Variants in COL6A1 observed in about 807,000 individuals in gnomAD.
The protein encoded by COL6A1 is collagen alpha-1(VI) chain.
Under a neutral mutation model 145.6 loss-of-function variants are expected in COL6A1, and 80 were observed. That is an observed-to-expected ratio of 0.55 (90% CI 0.46 to 0.66). COL6A1 has a LOEUF of 0.66. Among genes scored for constraint, COL6A1 ranks in the 30% least tolerant of loss-of-function variants. The probability of loss-of-function intolerance (pLI) is 0.00; values close to 1 mark genes in which losing one functional copy is unlikely to be tolerated. For missense variants in COL6A1, 1,364 were observed against 1,473.8 expected, an observed-to-expected ratio of 0.93 and a Z score of 1.22; for synonymous variants, 638 against 622.8, an observed-to-expected ratio of 1.02 and a Z score of -0.36.
rs944259614 is a variant in COL6A1 at position 45,995,862 on chromosome 21, C to T, written c.1399-1559C>T. Among the ~76,000 whole-genome samples the T allele has an allele frequency of 4.6e-5, 7 of 152,306 alleles. No individual in the cohort carries two copies. In the East Asian group the frequency reaches 7.7e-4, roughly 17 times the overall value. ...AGCCTCCCTGGGGCCTTTCGGGGCC[C>T]GGGGGTGTGGATAGGTGGCTTTGGA... is the stretch of plus-strand genomic sequence containing the variant. On this transcript the variant is annotated intron_variant, in intron 20 of 34. Coordinates refer to ENST00000361866, the MANE Select transcript of COL6A1 (RefSeq NM_001848.3).
intron 3 of COL6A1, 46 bp downstream of exon 3, chr21:45,984,515 T>A: frequency 1.3e-6 from 2 of 1,574,938 alleles, no homozygotes; most frequent in Non-Finnish European, 1.7e-6. Flanking sequence ...TCACGCGTGG[T>A]ACCCAGCCTG....
Position 45,990,841 on chromosome 21 carries a change from C to G in COL6A1, c.1056+15C>G, listed in dbSNP as rs1485809459. On this transcript the variant is annotated intron_variant, in intron 14 of 34. Coordinates refer to ENST00000361866, the MANE Select transcript of COL6A1 (RefSeq NM_001848.3). ...CCGGGTTTGACGTAAGTCACTTCCTCTCACTGATACTTTAAAACTAGCGCT... is the reference window on the plus strand; with the variant it reads ...CCGGGTTTGACGTAAGTCACTTCCTGTCACTGATACTTTAAAACTAGCGCT... 3 of 1,613,250 alleles carry G rather than the reference C, an allele frequency of 1.9e-6. No homozygotes were observed. The highest frequency in any genetic ancestry group is 2.2e-5 in the East Asian group (1 of 44,870).
Position 45,986,559 on chromosome 21 carries a change from T to G in COL6A1, c.462T>G (p.Ile154Met). The change falls in exon 4 of 35, where the codon ATT (isoleucine) becomes ATG (methionine). Residue 154 changes from isoleucine to methionine, a missense_variant. This residue lies in a region of COL6A1 where 414 missense variants were observed against 437.6 expected (regional missense o/e 0.95). Transcript: ENST00000361866. ...GSHLKENKYL[I>M]VVTDGHPLEG... Reference sequence around the variant, plus strand: ...ACCTGAAGGAGAATAAGTACCTGATTGTGGTGACCGACGGGCACCCCCTGG... The same window carrying G: ...ACCTGAAGGAGAATAAGTACCTGATGGTGGTGACCGACGGGCACCCCCTGG... The G allele has an allele frequency of 5.7e-6, 9 of 1,566,186 alleles. No individual in the cohort carries two copies. Among genetic ancestry groups the G allele is most frequent in the Non-Finnish European group, 7.8e-6 (9 of 1,155,524 alleles).
At position 45,989,743 on chromosome 21, in the gene COL6A1, G is replaced by A; in HGVS notation, c.904-9G>A. 1.2e-6 allele frequency: 2 copies of A among 1,613,066 alleles called. No individual in the cohort carries two copies. Among genetic ancestry groups the A allele is most frequent in the Non-Finnish European group, 1.7e-6 (2 of 1,180,022 alleles). On this transcript the variant is annotated splice_polypyrimidine_tract_variant and intron_variant, in intron 10 of 34. Transcript: ENST00000361866. ...CCTTCCTCTTCCTCTTCTTCCGCTGGGTGTGTAGGGAGAAAAAGGGAGCCG... is the reference window on the plus strand; with the variant it reads ...CCTTCCTCTTCCTCTTCTTCCGCTGAGTGTGTAGGGAGAAAAAGGGAGCCG...
chr21:45,986,470 C>T, intron 3 of COL6A1, 56 bp from the exon 4 acceptor site: 1 of 1,530,932 alleles, frequency 6.5e-7, no homozygotes, highest in Admixed American at 2.0e-5. Context: ...AGGCTTGGGT[C>T]TCCCTCCAGT....
At chr21:45,992,581 G>A (rs924335004) in intron 18 of COL6A1, among the ~76,000 whole-genome samples, 167 bp from the exon 19 acceptor site, 4 of 152,206 alleles carry the variant, frequency 2.6e-5, no homozygotes, top group Non-Finnish European at 1.5e-5. Context: ...TGGGACCTGG[G>A]GAACCAGGAG....
intron 20 of COL6A1, among the ~76,000 whole-genome samples, chr21:45,995,409 G>A (rs2077799430): frequency 6.6e-6 from 1 of 152,256 alleles, no homozygotes; most frequent in Non-Finnish European, 1.5e-5. Context: ...CATGCAGCCA[G>A]TGGCAGATTG....
chr21:46,002,245 G>T lies in COL6A1; in HGVS notation c.2094G>T (p.Ala698=). 1 of 1,602,554 alleles carries T rather than the reference G, an allele frequency of 6.2e-7. No individual in the cohort carries two copies. The highest frequency in any genetic ancestry group is 8.5e-7 in the Non-Finnish European group (1 of 1,177,452). Residue 698 remains alanine (A), a synonymous_variant, in exon 32 of 35, where the codon GCG becomes GCT. Coordinates refer to ENST00000361866, the MANE Select transcript of COL6A1 (RefSeq NM_001848.3). ...CCATCAAGAGCCTGCAGTGGATGGCGGGCGGCACCTTCACGGGGGAGGCCC... is the reference window on the plus strand; with the variant it reads ...CCATCAAGAGCCTGCAGTGGATGGCTGGCGGCACCTTCACGGGGGAGGCCC... ...KEAIKSLQWM[A]GGTFTGEALQ... is the part of the protein sequence containing the mutation.
chr21:46,001,568 G>A (rs1018208663), intron 30 of COL6A1, among the ~76,000 whole-genome samples, 182 bp downstream of exon 30: 4 of 152,210 alleles, frequency 2.6e-5, no homozygotes, highest in Admixed American at 1.3e-4. Flanking sequence ...ACCTGGCGAG[G>A]CTGGCCCATT....
At position 45,990,425 on chromosome 21, in the gene COL6A1, G is replaced by T; in HGVS notation, c.1002+3G>T. The T allele has an allele frequency of 6.8e-7, 1 of 1,471,844 alleles. No individual in the cohort carries two copies. 91.2% of individuals were successfully genotyped at this position (1,471,844 alleles called of 1,614,324 possible). ...TCGACGGGGTGGACGGCGTGAAGGTGACTGGGGGGAGATAGGATGGACGGG... is the reference window on the plus strand; with the variant it reads ...TCGACGGGGTGGACGGCGTGAAGGTTACTGGGGGGAGATAGGATGGACGGG... On this transcript the variant is annotated splice_donor_region_variant and intron_variant, in intron 13 of 34. Coordinates refer to ENST00000361866, the MANE Select transcript of COL6A1 (RefSeq NM_001848.3).
rs2077867305 is a variant in COL6A1 at position 46,004,171 on chromosome 21, T to C, written c.*158T>C. ...GCCAGGACACAACGCTGCTGCCTGCTTTGTGCAGGGTCCTCCGGGGCTCAG... is the reference window on the plus strand; with the variant it reads ...GCCAGGACACAACGCTGCTGCCTGCCTTGTGCAGGGTCCTCCGGGGCTCAG... On this transcript the variant is annotated 3_prime_UTR_variant, in exon 35 of 35. Coordinates refer to ENST00000361866, the MANE Select transcript of COL6A1 (RefSeq NM_001848.3). The C allele has an allele frequency of 9.7e-7, 1 of 1,030,468 alleles. No homozygotes were observed. 63.8% of individuals were successfully genotyped at this position (1,030,468 alleles called of 1,614,324 possible). A position where few individuals can be genotyped will look rare whatever the true frequency, so the allele number is the denominator to read the frequency against.
intron 29 of COL6A1, 45 bp from the exon 30 acceptor site, chr21:46,001,208 C>G (rs2077842725): frequency 1.3e-6 from 2 of 1,589,476 alleles, no homozygotes; most frequent in East Asian, 2.2e-5. Flanking sequence ...GGCCAGGGCA[C>G]TGGAGGGGAG....
chr21:45,992,313 T>C (rs540201449), intron 17 of COL6A1, 50 bp from the exon 18 acceptor site: 1 of 1,613,588 alleles, frequency 6.2e-7, no homozygotes, highest in African/African-American at 1.3e-5. Flanking sequence ...TGAGACCAAA[T>C]GCAGTGTGTC....
chr21:45,990,495 ACGGCGTGAAGGTGACC>A, intron 13 of COL6A1, 73 bp downstream of exon 13: 1 of 243,646 alleles, frequency 4.1e-6, no homozygotes, highest in Non-Finnish European at 7.0e-6. Flanking sequence ...GACGGAGTGG[ACGGCGTGAAGGTGACC>A]CGGGGAGGGA....
intron 25 of COL6A1, 90 bp from the exon 26 acceptor site, chr21:45,999,063 G>A: frequency 6.5e-7 from 1 of 1,542,056 alleles, no homozygotes. Context: ...GGCCTCATGG[G>A]CCCCGGCTGC....
chr21:45,983,397 G>A (rs889086239), intron 2 of COL6A1, among the ~76,000 whole-genome samples: 2 of 152,076 alleles, frequency 1.3e-5, no homozygotes, highest in East Asian at 3.9e-4. Context: ...GGCCGCTGAG[G>A]GGGGGGCATG....
At chr21:45,992,589 G>A (rs2077783061) in intron 18 of COL6A1, among the ~76,000 whole-genome samples, 159 bp from the exon 19 acceptor site, 1 of 152,226 alleles carries the variant, frequency 6.6e-6, no homozygotes, top group South Asian at 2.1e-4. Flanking sequence ...GGGGAACCAG[G>A]AGATTCCGGC....
At chr21:45,996,176 G>A (rs1343202200) in intron 20 of COL6A1, among the ~76,000 whole-genome samples, 2 of 152,244 alleles carry the variant, frequency 1.3e-5, no homozygotes, top group Non-Finnish European at 1.5e-5. Context: ...CACTTACCTG[G>A]CCCAGGGCAC....
At position 46,004,847 on chromosome 21, in the gene COL6A1, C is replaced by T. The variant is rs777545526; in HGVS notation, c.*834C>T. ...CCTCCCGCAGAGACTGGGGCCTGGACTGGACATGAGAGCCCCTTGGTGCCA... is the reference window on the plus strand; with the variant it reads ...CCTCCCGCAGAGACTGGGGCCTGGATTGGACATGAGAGCCCCTTGGTGCCA... On this transcript the variant is annotated 3_prime_UTR_variant, in exon 35 of 35. Coordinates refer to ENST00000361866, the MANE Select transcript of COL6A1 (RefSeq NM_001848.3). 8 of 229,160 alleles carry T rather than the reference C, an allele frequency of 3.5e-5. No individual in the cohort carries two copies. The highest frequency in any genetic ancestry group is 6.7e-5 in the Non-Finnish European group (7 of 104,910). The allele number at this position is 229,160 out of a possible 1,614,324, so 14.2% of individuals were successfully genotyped here. A position where few individuals can be genotyped will look rare whatever the true frequency, so the allele number is the denominator to read the frequency against.
Sources: allele counts gnomAD v4.1 joint callset (sites outside exome capture counted in the v4.1 genomes callset), GRCh38; gene constraint gnomAD v4.1.1; regional missense constraint gnomAD v4.1.1; transcripts MANE v1.5; gene names NCBI Gene and HGNC (gene_info 2026-07-23, HGNC 2026-07-21).